FMNL2: variants seen among roughly 807,000 people sequenced by gnomAD.
The protein encoded by FMNL2 is formin like 2.
In FMNL2, 51 loss-of-function variants were observed where a neutral mutation model predicts 130.2. The observed-to-expected ratio is 0.39, with a 90% CI of 0.31 to 0.49. The LOEUF (loss-of-function observed/expected upper bound fraction) is 0.49, where lower values mean the gene tolerates loss of function less well. Ranked by LOEUF, FMNL2 falls within the 20% of genes least tolerant of loss-of-function variation. The pLI is 0.85. For missense variants in FMNL2, 977 were observed against 1,316.2 expected (o/e 0.74, Z 3.99); for synonymous variants, 465 against 467.1 (o/e 1.00, Z 0.06).
intron 1 of FMNL2, among the ~76,000 whole-genome samples, chr2:152,397,808 G>A (rs1013119595): frequency 6.6e-6 from 1 of 152,128 alleles, no homozygotes; most frequent in African/African-American, 2.4e-5. Flanking sequence ...CTGTGAGCCA[G>A]CGTTGTCACT....
At chr2:152,389,902 C>T (rs767797375) in intron 1 of FMNL2, 28 of 1,040,166 alleles carry the variant, frequency 2.7e-5, no homozygotes, top group African/African-American at 9.5e-5. Context: ...GAAGAGAACC[C>T]GGGAGAAGGT....
chr2:152,542,901 T>C, intron 3 of FMNL2, 82 bp downstream of exon 3: 1 of 1,448,960 alleles, frequency 6.9e-7, no homozygotes, highest in African/African-American at 1.4e-5. Context: ...AGACCTTCCT[T>C]CCTCTGCATT....
rs1452746443 is a variant in FMNL2 at position 152,640,003 on chromosome 2, C to G, written c.2992C>G (p.Leu998Val). The part of the protein sequence containing the change: ...NELRKKQEQA[L>V]MEKLLEQEAL... Reference sequence around the variant, plus strand: ...GCTGAGGAAAAAGCAGGAACAAGCTCTCATGGAAAAACTCCTAGAGCAAGA... The same window carrying G: ...GCTGAGGAAAAAGCAGGAACAAGCTGTCATGGAAAAACTCCTAGAGCAAGA... Residue 998 changes from leucine (L) to valine (V), a missense_variant, in exon 24 of 26, where the codon CTC becomes GTC. Coordinates refer to ENST00000288670, the MANE Select transcript of FMNL2 (RefSeq NM_052905.4). 6.4e-7 allele frequency: 1 copy of G among 1,559,068 alleles called. No homozygotes were observed.
intron 6 of FMNL2, among the ~76,000 whole-genome samples, chr2:152,574,844 T>C (rs967926537): frequency 4.6e-5 from 7 of 152,146 alleles, no homozygotes; most frequent in Admixed American, 2.0e-4. Flanking sequence ...ATTAAGAAGA[T>C]GATATATGCT....
chr2:152,614,526 C>T (rs1477567099), intron 11 of FMNL2, among the ~76,000 whole-genome samples: 5 of 152,166 alleles, frequency 3.3e-5, no homozygotes, highest in Non-Finnish European at 7.3e-5. Flanking sequence ...GGGTGGATCA[C>T]GAGGTCAGGA....
chr2:152,432,051 C>G (rs191574320), intron 1 of FMNL2, among the ~76,000 whole-genome samples: 10 of 145,080 alleles, frequency 6.9e-5, no homozygotes, highest in African/African-American at 2.6e-4. Flanking sequence ...ATTCCTCTCT[C>G]TGTTATCTGT....
chr2:152,520,364 C>A (rs182680954), intron 1 of FMNL2, among the ~76,000 whole-genome samples: 1 of 151,958 alleles, frequency 6.6e-6, no homozygotes, highest in African/African-American at 2.4e-5. Context: ...GAGGCCGAGG[C>A]GGGCGGATCA....
chr2:152,366,743 A>G (rs1374501561), intron 1 of FMNL2, among the ~76,000 whole-genome samples: 1 of 152,164 alleles, frequency 6.6e-6, no homozygotes, highest in Non-Finnish European at 1.5e-5. Flanking sequence ...AGGTGGGTGG[A>G]TGGCTTGAGC....
At chr2:152,425,705 T>C (rs926694085) in intron 1 of FMNL2, among the ~76,000 whole-genome samples, 5 of 151,900 alleles carry the variant, frequency 3.3e-5, no homozygotes, top group Non-Finnish European at 7.4e-5. Context: ...CCCAAACACA[T>C]CTTGAGCGGA....
intron 1 of FMNL2, among the ~76,000 whole-genome samples, chr2:152,348,769 G>T (rs1029071086): frequency 6.8e-6 from 1 of 147,930 alleles, no homozygotes; most frequent in Non-Finnish European, 1.5e-5. Flanking sequence ...GCATGTTAGT[G>T]CTTTGCTGTT....
chr2:152,404,974 G>A (rs1218771649), intron 1 of FMNL2, among the ~76,000 whole-genome samples: 1 of 152,146 alleles, frequency 6.6e-6, no homozygotes, highest in Non-Finnish European at 1.5e-5. Flanking sequence ...TTGAAAAACT[G>A]ACGGGGGTTC....
chr2:152,466,988 C>A (rs1689582665), intron 1 of FMNL2, among the ~76,000 whole-genome samples: 1 of 152,188 alleles, frequency 6.6e-6, no homozygotes, highest in African/African-American at 2.4e-5. Flanking sequence ...CTTCTTCCTG[C>A]CTCCTCCAGT....
intron 15 of FMNL2, 182 bp from the exon 16 acceptor site, chr2:152,625,256 A>G: frequency 3.6e-6 from 2 of 549,086 alleles, no homozygotes; most frequent in Non-Finnish European, 6.1e-6. Context: ...CCAAATGATG[A>G]CCTCAAATGG....
chr2:152,471,074 C>T (rs1040240658), intron 1 of FMNL2, among the ~76,000 whole-genome samples: 1 of 152,032 alleles, frequency 6.6e-6, no homozygotes, highest in Non-Finnish European at 1.5e-5. Context: ...TAAGAGACCT[C>T]CCTTTCATGT....
At chr2:152,341,849 A>C (rs1313372718) in intron 1 of FMNL2, among the ~76,000 whole-genome samples, 1 of 152,212 alleles carries the variant, frequency 6.6e-6, no homozygotes, top group Non-Finnish European at 1.5e-5. Flanking sequence ...TAACATGTAG[A>C]GTTGTTGAAA....
intron 17 of FMNL2, among the ~76,000 whole-genome samples, chr2:152,627,248 G>A (rs941287725): frequency 2.6e-5 from 4 of 152,204 alleles, no homozygotes; most frequent in African/African-American, 9.7e-5. Context: ...CAACAGGAAT[G>A]TGAATTGTTT....
intron 1 of FMNL2, among the ~76,000 whole-genome samples, chr2:152,440,678 TAG>T (rs1688004719): frequency 6.6e-6 from 1 of 152,186 alleles, no homozygotes; most frequent in Non-Finnish European, 1.5e-5. Context: ...TTGTTACAGG[TAG>T]AGGCATGTAG....
chr2:152,596,219 T>G (rs1697766302), intron 9 of FMNL2, among the ~76,000 whole-genome samples: 1 of 152,032 alleles, frequency 6.6e-6, no homozygotes, highest in Non-Finnish European at 1.5e-5. Flanking sequence ...CACCTCGGCC[T>G]CCCGCAGTGC....
intron 10 of FMNL2, among the ~76,000 whole-genome samples, chr2:152,609,293 A>G (rs1698558206): frequency 6.6e-6 from 1 of 152,248 alleles, no homozygotes; most frequent in African/African-American, 2.4e-5. Flanking sequence ...TAGGCATATC[A>G]TAAAACTCAG....
Sources: allele counts gnomAD v4.1 joint callset (sites outside exome capture counted in the v4.1 genomes callset), GRCh38; gene constraint gnomAD v4.1.1; transcripts MANE v1.5; gene names NCBI Gene and HGNC (gene_info 2026-07-23, HGNC 2026-07-21).